TANC1: variants seen among roughly 807,000 people sequenced by gnomAD.
The protein encoded by TANC1 is protein TANC1.
In TANC1, 77 loss-of-function variants were observed where a neutral mutation model predicts 149.7. That is an observed-to-expected ratio of 0.51 (90% confidence interval 0.43 to 0.62). TANC1 has a LOEUF of 0.62. Among genes scored for constraint, TANC1 ranks in the 20% least tolerant of loss-of-function variants. The probability of loss-of-function intolerance (pLI) is 0.00; values close to 1 mark genes in which losing one functional copy is unlikely to be tolerated. For missense variants in TANC1, 1,985 were observed against 2,321.8 expected (o/e 0.85, Z 2.98); for synonymous variants, 854 against 925.0 (o/e 0.92, Z 1.39).
At position 159,097,664 on chromosome 2, in the gene TANC1, C is replaced by T. The variant is rs1260315858; in HGVS notation, c.89C>T (p.Pro30Leu). The change falls in exon 4 of 27, where the codon CCA becomes CTA. Residue 30 changes from proline (P) to leucine (L), a missense_variant. Around this residue, in one of 3 missense-constraint regions of TANC1, gnomAD observed 557 missense variants for 612.9 expected, o/e 0.91. Coordinates refer to ENST00000263635, the MANE Select transcript of TANC1 (RefSeq NM_033394.3). Reference sequence around the variant, plus strand: ...AGTGACTTTGGTCCAGAGACTTCTCCAGTCCTGCACCTTGACCACAGTGCT... The same window carrying T: ...AGTGACTTTGGTCCAGAGACTTCTCTAGTCCTGCACCTTGACCACAGTGCT... ...AGSDFGPETS[P>L]VLHLDHSADS... 6.2e-7 allele frequency: 1 copy of T among 1,614,064 alleles called. No homozygotes were observed. Among genetic ancestry groups the T allele is most frequent in the South Asian group, 1.1e-5 (1 of 91,072 alleles).
At chr2:159,027,663 T>C (rs1413606376) in intron 2 of TANC1, among the ~76,000 whole-genome samples, 2 of 152,234 alleles carry the variant, frequency 1.3e-5, no homozygotes, top group African/African-American at 2.4e-5. Flanking sequence ...CCTCTACTCA[T>C]TGCCCAGTTT....
At chr2:159,184,176 A>G (rs536323721) in intron 14 of TANC1, among the ~76,000 whole-genome samples, 1 of 152,262 alleles carries the variant, frequency 6.6e-6, no homozygotes, top group East Asian at 1.9e-4. Flanking sequence ...TAGTCACAGG[A>G]TTGTGCAGGT....
At chr2:159,137,054 A>G (rs898813877) in intron 5 of TANC1, among the ~76,000 whole-genome samples, 2 of 152,150 alleles carry the variant, frequency 1.3e-5, no homozygotes, top group African/African-American at 2.4e-5. Flanking sequence ...GGGACTAGGA[A>G]TCTTGCTGTA....
At chr2:159,094,976 C>G (rs973281115) in intron 3 of TANC1, among the ~76,000 whole-genome samples, 1 of 151,474 alleles carries the variant, frequency 6.6e-6, no homozygotes, top group South Asian at 2.1e-4. Context: ...GATGGAGTCT[C>G]GCACTGTTGC....
Position 159,003,474 on chromosome 2 carries a change from C to T in TANC1, c.-16+2285C>T, listed in dbSNP as rs138261543. On this transcript the variant is annotated intron_variant, in intron 2 of 26. Coordinates refer to ENST00000263635, the MANE Select transcript of TANC1 (RefSeq NM_033394.3). The stretch of plus-strand genomic sequence containing the variant: ...GAAACAGTGCCTGGCTTTTACTAGG[C>T]ACTCTAATAAAGGAACTTCATGCAG... 3.3e-3 allele frequency among the ~76,000 whole-genome samples: 505 copies of T among 152,290 alleles called. 6 individuals carry two copies. Among genetic ancestry groups the T allele is most frequent in the African/African-American group, 0.011 (465 of 41,558 alleles).
intron 13 of TANC1, among the ~76,000 whole-genome samples, chr2:159,176,987 G>A (rs1459268598): frequency 2.9e-5 from 4 of 138,056 alleles, no homozygotes; most frequent in Non-Finnish European, 6.0e-5. Flanking sequence ...TCGGCTCAAT[G>A]CAGCCTCCGC....
chr2:159,207,834 T>G (rs2058734513), intron 19 of TANC1, among the ~76,000 whole-genome samples: 2 of 151,916 alleles, frequency 1.3e-5, no homozygotes, highest in Admixed American at 1.3e-4. Context: ...GAGTAGTGCT[T>G]GCCTCATAGA....
chr2:159,196,858 C>A (rs2057894960), intron 18 of TANC1, 65 bp downstream of exon 18: 2 of 1,442,928 alleles, frequency 1.4e-6, no homozygotes, highest in African/African-American at 1.4e-5. Flanking sequence ...TCAGTTGACA[C>A]ACTGAAGGAC....
chr2:159,084,607 A>G (rs930139338), intron 3 of TANC1, among the ~76,000 whole-genome samples: 3 of 152,150 alleles, frequency 2.0e-5, no homozygotes, highest in African/African-American at 7.2e-5. Context: ...GGATTTGAGT[A>G]GTTAGTGAGG....
At chr2:159,029,650 G>C (rs895230452) in intron 2 of TANC1, among the ~76,000 whole-genome samples, 1 of 152,076 alleles carries the variant, frequency 6.6e-6, no homozygotes, top group Non-Finnish European at 1.5e-5. Context: ...TATAATCTTG[G>C]ACTCCTGGGC....
At chr2:159,165,911 C>T (rs1327683603) in intron 8 of TANC1, among the ~76,000 whole-genome samples, 2 of 152,210 alleles carry the variant, frequency 1.3e-5, no homozygotes, top group African/African-American at 4.8e-5. Context: ...ATTGAGCTTG[C>T]TACAGAGAAT....
intron 5 of TANC1, chr2:159,148,490 A>G (rs2052398456): frequency 6.6e-6 from 1 of 152,232 alleles, no homozygotes; most frequent in African/African-American, 2.4e-5. Flanking sequence ...TGATTTTTCT[A>G]CATCTTTGCA....
chr2:159,075,456 G>T (rs1454621455), intron 3 of TANC1, among the ~76,000 whole-genome samples: 7 of 150,812 alleles, frequency 4.6e-5, no homozygotes, highest in Non-Finnish European at 7.4e-5. Context: ...CATGCCTATA[G>T]TCTCAGCTAC....
At chr2:159,084,457 A>AT (rs1380363566) in intron 3 of TANC1, among the ~76,000 whole-genome samples, 20 of 152,186 alleles carry the variant, frequency 1.3e-4, no homozygotes, top group South Asian at 2.1e-4. Flanking sequence ...ACATTGAGGC[A>AT]TTTTTTCCCC....
At chr2:159,145,474 G>T (rs2051959776) in intron 5 of TANC1, among the ~76,000 whole-genome samples, 1 of 152,226 alleles carries the variant, frequency 6.6e-6, no homozygotes, top group South Asian at 2.1e-4. Flanking sequence ...AGAAAGTGCA[G>T]TTGAGAGAGG....
chr2:159,099,605 T>C (rs1326646647), intron 4 of TANC1, among the ~76,000 whole-genome samples: 1 of 152,118 alleles, frequency 6.6e-6, no homozygotes, highest in Admixed American at 6.6e-5. Context: ...GCACACATTT[T>C]CTTGTAAAAT....
At chr2:159,096,546 G>C (rs1388136370) in intron 3 of TANC1, among the ~76,000 whole-genome samples, 1 of 152,198 alleles carries the variant, frequency 6.6e-6, no homozygotes, top group Non-Finnish European at 1.5e-5. Flanking sequence ...GAGCACACCT[G>C]GACAGGGGAG....
At chr2:159,151,888 G>A (rs973590638) in intron 7 of TANC1, among the ~76,000 whole-genome samples, 3 of 152,068 alleles carry the variant, frequency 2.0e-5, no homozygotes, top group Non-Finnish European at 4.4e-5. Context: ...ACCATTTGAC[G>A]GTTTTTAGTA....
Position 159,228,735 on chromosome 2 carries a change from G to A in TANC1, c.4051-61G>A, listed in dbSNP as rs369917257. On this transcript the variant is annotated intron_variant, in intron 25 of 26. Transcript: ENST00000263635. Reference sequence around the variant, plus strand: ...GCTACCCTTTAGAACAAAACTAGACGGGCTTCCCACAATCGTGTGTCCAGG... The same window carrying A: ...GCTACCCTTTAGAACAAAACTAGACAGGCTTCCCACAATCGTGTGTCCAGG... The A allele has an allele frequency of 7.0e-5, 87 of 1,243,392 alleles. No individual in the cohort carries two copies. In the African/African-American group the frequency reaches 1.0e-3, roughly 14 times the overall value. The allele number at this position is 1,243,392 out of a possible 1,614,324, so 77.0% of individuals were successfully genotyped here. A position where few individuals can be genotyped will look rare whatever the true frequency, so the allele number is the denominator to read the frequency against.
Sources: allele counts gnomAD v4.1 joint callset (sites outside exome capture counted in the v4.1 genomes callset), GRCh38; gene constraint gnomAD v4.1.1; regional missense constraint gnomAD v4.1.1; transcripts MANE v1.5; gene names NCBI Gene and HGNC (gene_info 2026-07-23, HGNC 2026-07-21).